The following GALE variants were observed in gnomAD, a reference collection of about 807,000 sequenced individuals.
GALE encodes the protein UDP-galactose-4-epimerase.
GALE carries 32 observed loss-of-function variants against 44.1 expected under a neutral mutation model. The ratio of observed to expected loss-of-function variants is 0.73; its 90% CI spans 0.55 to 0.97. GALE has a LOEUF of 0.97. GALE is among the 50% of genes least tolerant of loss of function. GALE has a pLI of 0.00. For synonymous variants in GALE, 182 were observed against 183.5 expected, an observed-to-expected ratio of 0.99 and a Z score of 0.06; for missense variants, 423 against 455.6, an observed-to-expected ratio of 0.93 and a Z score of 0.65.
intron 2 of GALE, 41 bp from the exon 3 acceptor site, chr1:23,799,053 C>G: frequency 6.2e-7 from 1 of 1,613,660 alleles, no homozygotes; most frequent in Non-Finnish European, 8.5e-7. Flanking sequence ...CTGAGGCTGC[C>G]TGCTCAGAGC....
In GALE at chr1:23,798,297, C is replaced by A; in HGVS notation, c.238-67G>T. ...GTCCTTGGCAATGCCCTCAGCCTGCCTGCCTGCACTCACCTTTTTTTTTTT... is the reference window on the plus strand; with the variant it reads ...GTCCTTGGCAATGCCCTCAGCCTGCATGCCTGCACTCACCTTTTTTTTTTT... On this transcript the variant is annotated intron_variant, in intron 4 of 11. Transcript: ENST00000617979. The surrounding 1 kb of genome is among the most constrained non-coding windows in gnomAD (Gnocchi z 4.5). The A allele has an allele frequency of 9.0e-7, 1 of 1,111,010 alleles. No individual in the cohort carries two copies. The highest frequency in any genetic ancestry group is 1.4e-6 in the Non-Finnish European group (1 of 737,078). The allele number at this position is 1,111,010 out of a possible 1,614,324, so 68.8% of individuals were successfully genotyped here. A position where few individuals can be genotyped will look rare whatever the true frequency, so the allele number is the denominator to read the frequency against.
rs757597817 is a variant in GALE, at chr1:23,798,621, G to A, written c.231C>T (p.Phe77=). The change falls in exon 4 of 12, where the codon TTC becomes TTT. Residue 77 remains phenylalanine, a synonymous_variant. Coordinates refer to ENST00000617979, the MANE Select transcript of GALE (RefSeq NM_001008216.2). This position sits in a 1 kb window ranked among gnomAD's most constrained non-coding sequence, Gnocchi z 4.5. Reference sequence around the variant, plus strand: ...GTGCCCAGCCTGCACCCACCTTTTTGAAGAGACGCTGTAGGGCTCCCTGGT... The same window carrying A: ...GTGCCCAGCCTGCACCCACCTTTTTAAAGAGACGCTGTAGGGCTCCCTGGT... ...ILDQGALQRL[F]KKYSFMAVIH... The A allele has an allele frequency of 2.1e-5, 34 of 1,612,240 alleles. No individual in the cohort carries two copies. The highest frequency in any genetic ancestry group is 2.7e-5 in the Non-Finnish European group (32 of 1,178,618).
chr1:23,798,114 C>T lies in GALE; in HGVS notation c.351+3G>A. On this transcript the variant is annotated splice_donor_region_variant and intron_variant, in intron 5 of 11. Transcript: ENST00000617979. This position sits in a 1 kb window ranked among gnomAD's most constrained non-coding sequence, Gnocchi z 4.5. ...TGTCTGTGCCCTGTCCCATGCCTCT[C>T]ACCTCCAGAAGCTGGATGGTCCCGG... 5 of 1,610,288 alleles carry T rather than the reference C, an allele frequency of 3.1e-6. No individual in the cohort carries two copies. Among genetic ancestry groups the T allele is most frequent in the Non-Finnish European group, 4.2e-6 (5 of 1,176,504 alleles).
At position 23,798,902 on chromosome 1, in the gene GALE, G is replaced by A. The variant is rs769318489; in HGVS notation, c.106C>T (p.His36Tyr). Reference sequence around the variant, plus strand: ...CCCCGCTCACCACGGAAGGCATTATGGAAGTTATCGATGACCACAGGCAAG... The same window carrying A: ...CCCCGCTCACCACGGAAGGCATTATAGAAGTTATCGATGACCACAGGCAAG... ...GYLPVVIDNF[H>Y]NAFRGGGSLP... Residue 36 changes from histidine to tyrosine, a missense_variant, in exon 3 of 12, where the codon CAT (histidine) becomes TAT (tyrosine). Physicochemically the swap from His to Tyr is moderately conservative, Grantham distance 83 (BLOSUM62 2). Coordinates refer to ENST00000617979, the MANE Select transcript of GALE (RefSeq NM_001008216.2). The surrounding 1 kb of genome is among the most constrained non-coding windows in gnomAD (Gnocchi z 4.5). The A allele has an allele frequency of 3.1e-6, 5 of 1,614,056 alleles. No individual in the cohort carries two copies. The African/African-American group carries it at 4.0e-5, about 13-fold the overall frequency.
At position 23,796,641 on chromosome 1, in the gene GALE, G is replaced by A; in HGVS notation, c.796-55C>T. On this transcript the variant is annotated intron_variant, in intron 9 of 11. Coordinates refer to ENST00000617979, the MANE Select transcript of GALE (RefSeq NM_001008216.2). This position sits in a 1 kb window ranked among gnomAD's most constrained non-coding sequence, Gnocchi z 5.2. ...CGGGCTGGACTGACCACGCCTCTGG[G>A]CCGCTCTGCCTGGATCTGGTCCCTC... 1 of 1,614,076 alleles carries A rather than the reference G, an allele frequency of 6.2e-7. No individual in the cohort carries two copies. The highest frequency in any genetic ancestry group is 8.5e-7 in the Non-Finnish European group (1 of 1,179,988).
Position 23,796,217 on chromosome 1 carries a change from A to C in GALE, c.922T>G (p.Tyr308Asp). 1 of 1,614,128 alleles carries C rather than the reference A, an allele frequency of 6.2e-7. No homozygotes were observed. Among genetic ancestry groups the C allele is most frequent in the Non-Finnish European group, 8.5e-7 (1 of 1,180,010 alleles). Residue 308 changes from tyrosine (Y) to aspartate (D), a missense_variant, in exon 11 of 12, where the codon TAC becomes GAC. By Grantham distance (160) the Tyr-to-Asp change is radical. Transcript: ENST00000617979. This position sits in a 1 kb window ranked among gnomAD's most constrained non-coding sequence, Gnocchi z 5.2. The stretch of plus-strand genomic sequence containing the variant: ...TCTTGGGCCAGGCTGGGGTTGGCGT[A>C]ACAGGCTGCCACATCACCTTCCCGC... ...ARREGDVAAC[Y>D]ANPSLAQEEL... is the part of the protein sequence containing the mutation.
rs1638930990 is a variant in GALE, at chr1:23,795,918, G to T, written c.*31C>A. On this transcript the variant is annotated 3_prime_UTR_variant, in exon 12 of 12. Coordinates refer to ENST00000617979, the MANE Select transcript of GALE (RefSeq NM_001008216.2). ...AGAGGCTGGAGAGCAGGCAGCTGCT[G>T]CTTTTCCTGGTCCTTGGTAGGGGAG... 4 of 1,606,954 alleles carry T rather than the reference G, an allele frequency of 2.5e-6. No individual in the cohort carries two copies. The African/African-American group carries it at 5.3e-5, about 21-fold the overall frequency.
At position 23,796,492 on chromosome 1, in the gene GALE, G is replaced by C. The variant is rs755151837; in HGVS notation, c.873+17C>G. 1 of 1,606,246 alleles carries C rather than the reference G, an allele frequency of 6.2e-7. No individual in the cohort carries two copies. The highest frequency in any genetic ancestry group is 8.5e-7 in the Non-Finnish European group (1 of 1,175,980). ...GTGGGGTGAGGTGGGTGAGGTGGGT[G>C]GGGCGGGGGGGCCTACCTTCTTCCC... On this transcript the variant is annotated intron_variant, in intron 10 of 11. Transcript: ENST00000617979. The surrounding 1 kb of genome is among the most constrained non-coding windows in gnomAD (Gnocchi z 5.2).
rs1238279348 is a variant in GALE at position 23,795,840 on chromosome 1, G to A, written c.*109C>T. 2.7e-6 allele frequency: 3 copies of A among 1,102,510 alleles called. No individual in the cohort carries two copies. The highest frequency in any genetic ancestry group is 1.5e-5 in the African/African-American group (1 of 64,846). 68.3% of individuals were successfully genotyped at this position (1,102,510 alleles called of 1,614,324 possible). A position where few individuals can be genotyped will look rare whatever the true frequency, so the allele number is the denominator to read the frequency against. Reference sequence around the variant, plus strand: ...TAAGCGGGCCCAGCTGGGGTTTGAGGTAGGGGAGGCCTTGGCTTGGCCCCA... The same window carrying A: ...TAAGCGGGCCCAGCTGGGGTTTGAGATAGGGGAGGCCTTGGCTTGGCCCCA... On this transcript the variant is annotated 3_prime_UTR_variant, in exon 12 of 12. Coordinates refer to ENST00000617979, the MANE Select transcript of GALE (RefSeq NM_001008216.2).
Position 23,796,460 on chromosome 1 carries a change from G to C in GALE, c.873+49C>G. 2 of 1,587,454 alleles carry C rather than the reference G, an allele frequency of 1.3e-6. No homozygotes were observed. Among genetic ancestry groups the C allele is most frequent in the Non-Finnish European group, 1.7e-6 (2 of 1,161,008 alleles). ...AGGGCCAAAGCTGCTCTGTTGCTGA[G>C]AGCTGGGTGGGGTGAGGTGGGTGAG... On this transcript the variant is annotated intron_variant, in intron 10 of 11. Coordinates refer to ENST00000617979, the MANE Select transcript of GALE (RefSeq NM_001008216.2). The surrounding 1 kb of genome is among the most constrained non-coding windows in gnomAD (Gnocchi z 5.2).
chr1:23,798,360 A>G lies in GALE; in HGVS notation c.238-130T>C, dbSNP rs536028919. ...CGCTCTGTTGTCCAGGCTGGAGTAC[A>G]GTGGTGCCATCTCAGCTCACCGCAA... On this transcript the variant is annotated intron_variant, in intron 4 of 11. Coordinates refer to ENST00000617979, the MANE Select transcript of GALE (RefSeq NM_001008216.2). This position sits in a 1 kb window ranked among gnomAD's most constrained non-coding sequence, Gnocchi z 4.5. 4.0e-6 allele frequency: 3 copies of G among 750,492 alleles called. No homozygotes were observed. The South Asian group carries it at 4.4e-5, about 11-fold the overall frequency. The allele number at this position is 750,492 out of a possible 1,614,324, so 46.5% of individuals were successfully genotyped here.
chr1:23,796,689 C>T lies in GALE; in HGVS notation c.795+8G>A. 1 of 1,613,594 alleles carries T rather than the reference C, an allele frequency of 6.2e-7. No individual in the cohort carries two copies. The highest frequency in any genetic ancestry group is 8.5e-7 in the Non-Finnish European group (1 of 1,179,750). On this transcript the variant is annotated splice_region_variant and intron_variant, in intron 9 of 11. Transcript: ENST00000617979. This position sits in a 1 kb window ranked among gnomAD's most constrained non-coding sequence, Gnocchi z 5.2. Reference sequence around the variant, plus strand: ...CTCCCCTCCCTCACTTCTCCCTTCTCTTCCTACCCGGCAGCCACACTGTTC... The same window carrying T: ...CTCCCCTCCCTCACTTCTCCCTTCTTTTCCTACCCGGCAGCCACACTGTTC...
Position 23,798,059 on chromosome 1 carries a change from A to G in GALE, c.351+58T>C. 6.9e-7 allele frequency: 1 copy of G among 1,456,872 alleles called. No homozygotes were observed. Among genetic ancestry groups the G allele is most frequent in the Non-Finnish European group, 9.6e-7 (1 of 1,036,542 alleles). 90.2% of individuals were successfully genotyped at this position (1,456,872 alleles called of 1,614,324 possible). A position where few individuals can be genotyped will look rare whatever the true frequency, so the allele number is the denominator to read the frequency against. ...GGCTCTGTGTTTGGCACTGCCTGCC[A>G]GGCTGGGGTCCAGCTGGACACCCTC... On this transcript the variant is annotated intron_variant, in intron 5 of 11. Coordinates refer to ENST00000617979, the MANE Select transcript of GALE (RefSeq NM_001008216.2). This position sits in a 1 kb window ranked among gnomAD's most constrained non-coding sequence, Gnocchi z 4.5.
chr1:23,796,059 C>G lies in GALE; in HGVS notation c.989-52G>C. On this transcript the variant is annotated intron_variant, in intron 11 of 11. Transcript: ENST00000617979. This position sits in a 1 kb window ranked among gnomAD's most constrained non-coding sequence, Gnocchi z 5.2. ...GGGCCCACGGTGGAATGCAGAGCCT[C>G]CCCCACCCCACAGCCCGCCCTGGGT... The G allele has an allele frequency of 6.2e-7, 1 of 1,606,760 alleles. No homozygotes were observed. The highest frequency in any genetic ancestry group is 8.5e-7 in the Non-Finnish European group (1 of 1,174,070).
At position 23,798,690 on chromosome 1, in the gene GALE, C is replaced by G; in HGVS notation, c.162G>C (p.Glu54Asp). ...CAAACTCCACAGAGCGGCCTGTCAG[C>G]TCCTGGACCCGCCGCAGGCTCTCAG... ...SLPESLRRVQ[E>D]LTGRSVEFEE... The change falls in exon 4 of 12, where the codon GAG becomes GAC. Residue 54 changes from glutamate (E) to aspartate (D), a missense_variant. Transcript: ENST00000617979. The surrounding 1 kb of genome is among the most constrained non-coding windows in gnomAD (Gnocchi z 4.5). 6.2e-7 allele frequency: 1 copy of G among 1,612,480 alleles called. No individual in the cohort carries two copies. The highest frequency in any genetic ancestry group is 8.5e-7 in the Non-Finnish European group (1 of 1,179,246).
Position 23,799,026 on chromosome 1 carries a change from CAG to C in GALE, c.-5-16_-5-15del, listed in dbSNP as rs759524480. 4 of 1,614,060 alleles carry C rather than the reference CAG, an allele frequency of 2.5e-6. No homozygotes were observed. Among genetic ancestry groups the C allele is most frequent in the East Asian group, 2.2e-5 (1 of 44,884 alleles). ...CTGCCATGGCACCTGGCCCAGGATA[CAG>C]AGTCTCAGAGGTGGCTGAGGCTGCC... On this transcript the variant is annotated splice_polypyrimidine_tract_variant and intron_variant, in intron 2 of 11. Coordinates refer to ENST00000617979, the MANE Select transcript of GALE (RefSeq NM_001008216.2).
chr1:23,795,920 T>C lies in GALE; in HGVS notation c.*29A>G, dbSNP rs771170089. 6.2e-7 allele frequency: 1 copy of C among 1,608,528 alleles called. No individual in the cohort carries two copies. The highest frequency in any genetic ancestry group is 8.5e-7 in the Non-Finnish European group (1 of 1,175,968). ...AGGCTGGAGAGCAGGCAGCTGCTGC[T>C]TTTCCTGGTCCTTGGTAGGGGAGGG... On this transcript the variant is annotated 3_prime_UTR_variant, in exon 12 of 12. Coordinates refer to ENST00000617979, the MANE Select transcript of GALE (RefSeq NM_001008216.2).
chr1:23,798,607 G>C lies in GALE; in HGVS notation c.237+8C>G. On this transcript the variant is annotated splice_region_variant and intron_variant, in intron 4 of 11. Coordinates refer to ENST00000617979, the MANE Select transcript of GALE (RefSeq NM_001008216.2). This position sits in a 1 kb window ranked among gnomAD's most constrained non-coding sequence, Gnocchi z 4.5. ...AGGCGTGAGCCACCGTGCCCAGCCT[G>C]CACCCACCTTTTTGAAGAGACGCTG... The C allele has an allele frequency of 6.3e-7, 1 of 1,598,440 alleles. No individual in the cohort carries two copies. Among genetic ancestry groups the C allele is most frequent in the Non-Finnish European group, 8.6e-7 (1 of 1,165,988 alleles).
chr1:23,798,996 C>T lies in GALE; in HGVS notation c.12G>A (p.Lys4=). 6.2e-7 allele frequency: 1 copy of T among 1,614,220 alleles called. No individual in the cohort carries two copies. Among genetic ancestry groups the T allele is most frequent in the Non-Finnish European group, 8.5e-7 (1 of 1,180,046 alleles). The part of the protein sequence containing the change: MAE[K]VLVTGGAGYI... ...AGCCAGCCCCACCTGTTACCAGCAC[C>T]TTCTCTGCCATGGCACCTGGCCCAG... Residue 4 remains lysine, a synonymous_variant, in exon 3 of 12, where the codon AAG becomes AAA. Transcript: ENST00000617979. The surrounding 1 kb of genome is among the most constrained non-coding windows in gnomAD (Gnocchi z 4.5).
Sources: allele counts gnomAD v4.1 joint callset, GRCh38; gene constraint gnomAD v4.1.1; non-coding constraint Gnocchi (gnomAD v3.1); transcripts MANE v1.5; gene names NCBI Gene and HGNC (gene_info 2026-07-23, HGNC 2026-07-21).